The following PRELID2 variants were observed in gnomAD, a reference collection of about 807,000 sequenced individuals.
PRELID2 encodes the protein PRELI domain-containing protein 2.
In PRELID2, 25 loss-of-function variants were observed where a neutral mutation model predicts 28.4. The ratio of observed to expected loss-of-function variants is 0.88; its 90% confidence interval spans 0.64 to 1.23. The LOEUF is 1.23. PRELID2 is among the 50% of genes most tolerant of loss of function. The pLI is 0.00. For missense variants in PRELID2, 201 were observed against 214.4 expected (o/e 0.94, Z 0.39); for synonymous variants, 76 against 71.6 (o/e 1.06, Z -0.31).
At chr5:145,796,698 T>A (rs569076217) in intron 4 of PRELID2, 151 bp from the exon 5 acceptor site, 1 of 441,886 alleles carries the variant, frequency 2.3e-6, no homozygotes, top group Admixed American at 4.0e-5. Flanking sequence ...GAAGATTTTG[T>A]TAAAAGTAAC....
intron 1 of PRELID2, among the ~76,000 whole-genome samples, chr5:145,651,740 CA>C (rs1754301579): frequency 6.6e-6 from 1 of 152,138 alleles, no homozygotes; most frequent in Admixed American, 6.5e-5. Context: ...ACATCCACAC[CA>C]AAACCCCATC....
chr5:145,619,252 C>A (rs1162419594), intron 1 of PRELID2, among the ~76,000 whole-genome samples: 1 of 152,218 alleles, frequency 6.6e-6, no homozygotes, highest in Admixed American at 6.5e-5. Context: ...AGCTACAAGA[C>A]TCAGCTGGAG....
chr5:145,616,591 C>A (rs1342629068), intron 1 of PRELID2, among the ~76,000 whole-genome samples: 1 of 152,036 alleles, frequency 6.6e-6, no homozygotes, highest in East Asian at 1.9e-4. Context: ...GTAAAACCAG[C>A]AAGTTTTTAT....
intron 1 of PRELID2, among the ~76,000 whole-genome samples, chr5:145,534,167 A>G (rs185585432): frequency 1.1e-4 from 16 of 152,154 alleles, no homozygotes; most frequent in Admixed American, 8.5e-4. Flanking sequence ...CCTTTGACCC[A>G]TCCACAATTA....
chr5:145,236,709 T>C, the PRELID2 span, among the ~76,000 whole-genome samples: 1 of 152,086 alleles, frequency 6.6e-6, no homozygotes, highest in African/African-American at 2.4e-5. Flanking sequence ...TCATGGAAAA[T>C]GTAGATTTAC....
At chr5:145,807,861 G>A (rs1055502472) in intron 4 of PRELID2, among the ~76,000 whole-genome samples, 1 of 152,152 alleles carries the variant, frequency 6.6e-6, no homozygotes, top group Admixed American at 6.5e-5. Flanking sequence ...GTGGTAAACT[G>A]TGACCTCAGT....
At chr5:145,232,273 A>G in the PRELID2 span, among the ~76,000 whole-genome samples, 1 of 152,176 alleles carries the variant, frequency 6.6e-6, no homozygotes, top group Non-Finnish European at 1.5e-5. Flanking sequence ...ACATTCTCTT[A>G]TTCATTTCTC....
intron 1 of PRELID2, among the ~76,000 whole-genome samples, chr5:145,694,652 T>C (rs1755219547): frequency 6.6e-6 from 1 of 152,214 alleles, no homozygotes; most frequent in Non-Finnish European, 1.5e-5. Context: ...ATTTATTTCA[T>C]GGATTCAACT....
the PRELID2 span, among the ~76,000 whole-genome samples, chr5:145,386,281 C>A: frequency 1.9e-4 from 29 of 151,514 alleles, no homozygotes; most frequent in Non-Finnish European, 3.4e-4. Flanking sequence ...AGGTAACCAC[C>A]CCCATGATTC....
At chr5:145,590,908 A>C (rs1379526720) in intron 1 of PRELID2, among the ~76,000 whole-genome samples, 1 of 152,220 alleles carries the variant, frequency 6.6e-6, no homozygotes, top group Admixed American at 6.5e-5. Context: ...TGAATTGTTC[A>C]GTATTTTCAT....
At chr5:145,529,439 A>T (rs1752637275) in intron 1 of PRELID2, among the ~76,000 whole-genome samples, 1 of 151,934 alleles carries the variant, frequency 6.6e-6, no homozygotes, top group African/African-American at 2.4e-5. Flanking sequence ...GGCCACAATT[A>T]TGAATCTGTT....
the PRELID2 span, among the ~76,000 whole-genome samples, chr5:145,237,838 C>G: frequency 6.6e-6 from 1 of 152,206 alleles, no homozygotes; most frequent in South Asian, 2.1e-4. Context: ...TCTGATCATT[C>G]CTTCCTGTGC....
At chr5:145,244,322 G>A in the PRELID2 span, among the ~76,000 whole-genome samples, 8 of 152,026 alleles carry the variant, frequency 5.3e-5, no homozygotes, top group African/African-American at 1.9e-4. Flanking sequence ...CCTCGAAACT[G>A]ACAGCTTTTT....
intron 4 of PRELID2, among the ~76,000 whole-genome samples, chr5:145,817,219 AAATAT>A (rs1754402887): frequency 9.7e-6 from 1 of 103,296 alleles, no homozygotes; most frequent in Non-Finnish European, 2.2e-5. Context: ...AAATAAAAAA[AAATAT>A]ATATATATAT....
In PRELID2 at chr5:145,820,028, A is replaced by C. The variant is rs1398216507; in HGVS notation, c.134-10T>G. On this transcript the variant is annotated splice_polypyrimidine_tract_variant and intron_variant, in intron 2 of 6. Transcript: ENST00000683046. ...ACCCCTGTTGATTCATCTAAAAAAG[A>C]AATTTTTTTACACAAAAAAAAATTA... 2.0e-6 allele frequency: 3 copies of C among 1,523,138 alleles called. No individual in the cohort carries two copies. The highest frequency in any genetic ancestry group is 2.7e-6 in the Non-Finnish European group (3 of 1,112,218). The allele number at this position is 1,523,138 out of a possible 1,614,324, so 94.4% of individuals were successfully genotyped here.
downstream of PRELID2, among the ~76,000 whole-genome samples, chr5:145,467,128 C>T (rs1171854932): frequency 6.6e-6 from 1 of 152,164 alleles, no homozygotes. Flanking sequence ...TTAAAACATA[C>T]TTCACAGTCC....
chr5:145,378,433 G>A, the PRELID2 span, among the ~76,000 whole-genome samples: 1 of 152,268 alleles, frequency 6.6e-6, no homozygotes, highest in South Asian at 2.1e-4. Context: ...GTGAATCATA[G>A]ATTTGGTATC....
the PRELID2 span, among the ~76,000 whole-genome samples, chr5:145,374,998 C>T: frequency 2.0e-5 from 3 of 152,150 alleles, no homozygotes; most frequent in Non-Finnish European, 1.5e-5. Flanking sequence ...TCATCCATCT[C>T]ATCCTCCATC....
At chr5:145,418,186 G>C in the PRELID2 span, among the ~76,000 whole-genome samples, 1 of 152,042 alleles carries the variant, frequency 6.6e-6, no homozygotes, top group Middle Eastern at 3.2e-3. Context: ...AACAAGGAAA[G>C]TGAATGACCA....
Sources: gnomAD v4.1 joint callset for allele counts (sites outside exome capture counted in the v4.1 genomes callset) on GRCh38, gnomAD v4.1.1 for gene constraint, MANE v1.5 for transcripts, NCBI Gene and HGNC (gene_info 2026-07-23, HGNC 2026-07-21) for gene names.